Variants in FAM78A observed in about 807,000 individuals in gnomAD.
The protein encoded by FAM78A is protein FAM78A.
FAM78A carries 12 observed loss-of-function variants against 22.6 expected under a neutral mutation model. That is an observed-to-expected ratio of 0.53 (90% CI 0.34 to 0.86). FAM78A has a LOEUF of 0.86. Among genes scored for constraint, FAM78A ranks in the 40% least tolerant of loss-of-function variants. The pLI is 0.02. For synonymous variants in FAM78A, 151 were observed against 155.8 expected, an observed-to-expected ratio of 0.97 and a Z score of 0.23; for missense variants, 322 against 396.1, an observed-to-expected ratio of 0.81 and a Z score of 1.59.
At chr9:131,269,943 C>A (rs1025998826) in intron 1 of FAM78A, among the ~76,000 whole-genome samples, 1 of 151,206 alleles carries the variant, frequency 6.6e-6, no homozygotes, top group Admixed American at 6.6e-5. Context: ...ACCTGTAATC[C>A]CAGGACTTTG....
intron 1 of FAM78A, among the ~76,000 whole-genome samples, chr9:131,268,340 G>A (rs868268490): frequency 3.4e-5 from 5 of 147,888 alleles, no homozygotes; most frequent in Non-Finnish European, 6.0e-5. Flanking sequence ...CCGCCCCCCT[G>A]GGCTGTCCCC....
In FAM78A at chr9:131,258,336, T is replaced by A. The variant is rs352955; in HGVS notation, c.*2486A>T. 0.94 allele frequency: 143,784 copies of A among 152,662 alleles called. 68,274 individuals carry two copies. The highest frequency in any genetic ancestry group is 1 in the East Asian group (5,144 of 5,144). The allele number at this position is 152,662 out of a possible 1,614,324, so 9.5% of individuals were successfully genotyped here. A position where few individuals can be genotyped will look rare whatever the true frequency, so the allele number is the denominator to read the frequency against. On this transcript the variant is annotated 3_prime_UTR_variant, in exon 2 of 2. Transcript: ENST00000372271. ...GAAGCCTGGGGCCTGTGCTCCAACA[T>A]GAGCAAGGAGGCTGAAGGAGCAGAC...
At chr9:131,270,570 A>G (rs943317900) in intron 1 of FAM78A, 9 of 711,766 alleles carry the variant, frequency 1.3e-5, no homozygotes, top group African/African-American at 3.5e-5. Flanking sequence ...CATCCCCCCT[A>G]CTTCCTCCCA....
chr9:131,269,434 G>C (rs527686962), intron 1 of FAM78A, among the ~76,000 whole-genome samples: 29 of 152,158 alleles, frequency 1.9e-4, no homozygotes, highest in African/African-American at 6.8e-4. Flanking sequence ...AGTTGTTCCT[G>C]GCTTTTTGCT....
Position 131,276,015 on chromosome 9 carries a change from A to C in FAM78A, c.165T>G (p.Asp55Glu). Residue 55 changes from aspartate (D) to glutamate (E), a missense_variant, in exon 1 of 2, where the codon GAT (aspartate) becomes GAG (glutamate). By Grantham distance (45) the Asp-to-Glu change is conservative. Coordinates refer to ENST00000372271, the MANE Select transcript of FAM78A (RefSeq NM_033387.4). This position sits in a 1 kb window ranked among gnomAD's most constrained non-coding sequence, Gnocchi z 4.3. Reference protein sequence around the residue: ...ASIDPVPTSIDESSSVVLRYR... With the variant: ...ASIDPVPTSIEESSSVVLRYR... ...AGCGGAGCACCACGCTGGAGGACTC[A>C]TCGATGCTAGTGGGGACGGGGTCGA... 3.1e-6 allele frequency: 5 copies of C among 1,613,770 alleles called. No individual in the cohort carries two copies. Among genetic ancestry groups the C allele is most frequent in the Non-Finnish European group, 4.2e-6 (5 of 1,180,036 alleles).
intron 1 of FAM78A, among the ~76,000 whole-genome samples, chr9:131,271,489 C>T (rs1835421462): frequency 6.6e-6 from 1 of 152,190 alleles, no homozygotes; most frequent in African/African-American, 2.4e-5. Flanking sequence ...CTCATATTCC[C>T]ATGTCATAGA....
At chr9:131,276,841 A>C (rs1487067705), upstream of FAM78A, among the ~76,000 whole-genome samples, 1 of 149,102 alleles carries the variant, frequency 6.7e-6, no homozygotes, top group Non-Finnish European at 1.5e-5. This position sits in a 1 kb window ranked among gnomAD's most constrained non-coding sequence, Gnocchi z 4.3. Context: ...GTCCCCACGC[A>C]GGGGCGCCGC....
chr9:131,276,854 C>G (rs1410399189), upstream of FAM78A, among the ~76,000 whole-genome samples: 3 of 149,242 alleles, frequency 2.0e-5, no homozygotes, highest in Non-Finnish European at 4.5e-5. This position sits in a 1 kb window ranked among gnomAD's most constrained non-coding sequence, Gnocchi z 4.3. Flanking sequence ...GGCGCCGCGT[C>G]CCTTCGCCGC....
At chr9:131,266,631 C>A (rs1177605345) in intron 1 of FAM78A, among the ~76,000 whole-genome samples, 2 of 152,212 alleles carry the variant, frequency 1.3e-5, no homozygotes, top group Non-Finnish European at 2.9e-5. Flanking sequence ...GTGCCTCCTG[C>A]TATTCAACGC....
intron 1 of FAM78A, chr9:131,270,183 G>A (rs1185113916): frequency 4.4e-6 from 3 of 688,888 alleles, no homozygotes; most frequent in Admixed American, 2.1e-5. Context: ...TCCAGCCTGG[G>A]TGACAAGAGT....
At chr9:131,269,101 CAAAAAAA>C (rs34943494) in intron 1 of FAM78A, among the ~76,000 whole-genome samples, 1 of 89,828 alleles carries the variant, frequency 1.1e-5, no homozygotes, top group African/African-American at 4.9e-5. Context: ...AACTTCGTCT[CAAAAAAA>C]AAAAAAAAAA....
rs1284506540 is a variant in FAM78A, at chr9:131,258,585, C to CT, written c.*2236dup. 1 of 152,232 alleles carries CT rather than the reference C, an allele frequency of 6.6e-6. No individual in the cohort carries two copies. The highest frequency in any genetic ancestry group is 2.4e-5 in the African/African-American group (1 of 41,446). The allele number at this position is 152,232 out of a possible 1,614,324, so 9.4% of individuals were successfully genotyped here. On this transcript the variant is annotated 3_prime_UTR_variant, in exon 2 of 2. Transcript: ENST00000372271. ...TCGGGGGTCCTTCACCCCCTAGCAG[C>CT]TCAGGAAGCCCCTTTCCATTCTGGT... is the stretch of plus-strand genomic sequence containing the variant.
chr9:131,276,110 T>A lies in FAM78A; in HGVS notation c.70A>T (p.Ile24Phe). 6.2e-7 allele frequency: 1 copy of A among 1,613,724 alleles called. No individual in the cohort carries two copies. The highest frequency in any genetic ancestry group is 8.5e-7 in the Non-Finnish European group (1 of 1,180,014). ...CTGGCTTTGCCTCCGATGCTCTGAA[T>A]ACAGCCCATGGCATACAGGAGCGCT... ...IRALLYAMGC[I>F]QSIGGKARVF... Residue 24 changes from isoleucine to phenylalanine, a missense_variant, in exon 1 of 2, where the codon ATT becomes TTT. Physicochemically the swap from Ile to Phe is conservative, Grantham distance 21. Transcript: ENST00000372271. This position sits in a 1 kb window ranked among gnomAD's most constrained non-coding sequence, Gnocchi z 4.3.
At chr9:131,267,567 A>C (rs12002479) in intron 1 of FAM78A, among the ~76,000 whole-genome samples, 13,349 of 152,116 alleles carry the variant, frequency 0.088, 1,691 homozygotes, top group African/African-American at 0.28. Flanking sequence ...TTTAGAAACA[A>C]CTTTGAAATA....
chr9:131,270,656 G>A, intron 1 of FAM78A: 1 of 631,820 alleles, frequency 1.6e-6, no homozygotes, highest in Non-Finnish European at 3.0e-6. Flanking sequence ...AGCAGATGGG[G>A]GAGGCCGCCT....
rs1297119802 is a variant in FAM78A at position 131,275,025 on chromosome 9, G to A, written c.323+832C>T. ...CAGATTAAGTCACTCTCCCAACTCTGCCTAAATGCAGCTCTTTTCACCCTG... is the reference window on the plus strand; with the variant it reads ...CAGATTAAGTCACTCTCCCAACTCTACCTAAATGCAGCTCTTTTCACCCTG... On this transcript the variant is annotated intron_variant, in intron 1 of 1. Coordinates refer to ENST00000372271, the MANE Select transcript of FAM78A (RefSeq NM_033387.4). The surrounding 1 kb of genome is among the most constrained non-coding windows in gnomAD (Gnocchi z 4.6). Among the ~76,000 whole-genome samples the A allele has an allele frequency of 6.6e-6, 1 of 152,182 alleles. No individual in the cohort carries two copies. Among genetic ancestry groups the A allele is most frequent in the African/African-American group, 2.4e-5 (1 of 41,444 alleles).
Position 131,276,111 on chromosome 9 carries a change from A to G in FAM78A, c.69T>C (p.Cys23=). ...TGGCTTTGCCTCCGATGCTCTGAAT[A>G]CAGCCCATGGCATACAGGAGCGCTC... ...EIRALLYAMG[C]IQSIGGKARV... is the part of the protein sequence containing the mutation. The change falls in exon 1 of 2, where the codon TGT becomes TGC. Residue 23 remains cysteine (C), a synonymous_variant. Transcript: ENST00000372271. The surrounding 1 kb of genome is among the most constrained non-coding windows in gnomAD (Gnocchi z 4.3). 1.9e-6 allele frequency: 3 copies of G among 1,613,748 alleles called. No homozygotes were observed. Among genetic ancestry groups the G allele is most frequent in the Non-Finnish European group, 2.5e-6 (3 of 1,180,020 alleles).
chr9:131,276,784 C>G (rs866115107), upstream of FAM78A, among the ~76,000 whole-genome samples: 10 of 150,992 alleles, frequency 6.6e-5, no homozygotes, highest in Admixed American at 3.3e-4. This position sits in a 1 kb window ranked among gnomAD's most constrained non-coding sequence, Gnocchi z 4.3. Context: ...GACGGGGGAG[C>G]GCGGCGCGGG....
chr9:131,268,453 G>A (rs1375245969), intron 1 of FAM78A, among the ~76,000 whole-genome samples: 3 of 152,006 alleles, frequency 2.0e-5, no homozygotes, highest in East Asian at 1.9e-4. Context: ...GCCTGCCCAC[G>A]GGGATTCCCC....
Sources: gnomAD v4.1 joint callset for allele counts (sites outside exome capture counted in the v4.1 genomes callset) on GRCh38, gnomAD v4.1.1 for gene constraint, Gnocchi (gnomAD v3.1) non-coding constraint, MANE v1.5 for transcripts, NCBI Gene and HGNC (gene_info 2026-07-23, HGNC 2026-07-21) for gene names.